Variants in PALS2 observed in about 807,000 individuals in gnomAD.
PALS2 encodes the protein protein PALS2.
PALS2 carries 27 observed loss-of-function variants against 61.6 expected under a neutral mutation model. That is an observed-to-expected ratio of 0.44 (90% CI 0.32 to 0.60). The LOEUF (loss-of-function observed/expected upper bound fraction) is 0.60, where lower values mean the gene tolerates loss of function less well. PALS2 is among the 20% of genes least tolerant of loss of function. The pLI is 0.05. For missense variants in PALS2, 554 were observed against 639.4 expected (o/e 0.87, Z 1.44); for synonymous variants, 236 against 218.6 (o/e 1.08, Z -0.70).
chr7:24,668,760 A>G (rs1787158651), intron 9 of PALS2, 100 bp downstream of exon 9: 3 of 1,416,190 alleles, frequency 2.1e-6, no homozygotes, highest in Admixed American at 2.2e-5. Flanking sequence ...TTATTCCCAA[A>G]TAAGTTTTCT....
At chr7:24,619,831 T>C (rs1784428507) in intron 1 of PALS2, among the ~76,000 whole-genome samples, 1 of 152,080 alleles carries the variant, frequency 6.6e-6, no homozygotes, top group Admixed American at 6.5e-5. Flanking sequence ...GTGGAACTTG[T>C]AGGTAACTTA....
chr7:24,628,242 A>G (rs1417456518), intron 2 of PALS2, among the ~76,000 whole-genome samples: 1 of 152,224 alleles, frequency 6.6e-6, no homozygotes, highest in Admixed American at 6.5e-5. Context: ...AATCCATCAC[A>G]TAAGCAGAAC....
chr7:24,632,901 A>G (rs1479847400), intron 2 of PALS2, among the ~76,000 whole-genome samples: 3 of 144,074 alleles, frequency 2.1e-5, no homozygotes, highest in African/African-American at 8.3e-5. Context: ...GTTAGACTTT[A>G]AAAAAAAAAC....
chr7:24,604,316 A>C (rs1453159036), intron 1 of PALS2, among the ~76,000 whole-genome samples: 1 of 152,122 alleles, frequency 6.6e-6, no homozygotes, highest in Non-Finnish European at 1.5e-5. Context: ...CAAACTCAAA[A>C]AGAACCAAGT....
At chr7:24,593,764 G>GT (rs1783391522) in intron 1 of PALS2, among the ~76,000 whole-genome samples, 1 of 152,186 alleles carries the variant, frequency 6.6e-6, no homozygotes, top group Non-Finnish European at 1.5e-5. Flanking sequence ...GTAAACCGAA[G>GT]TGCTGTCATC....
At chr7:24,607,296 AT>A (rs1225973362) in intron 1 of PALS2, among the ~76,000 whole-genome samples, 1 of 152,116 alleles carries the variant, frequency 6.6e-6, no homozygotes, top group Non-Finnish European at 1.5e-5. Flanking sequence ...GCAATTCATT[AT>A]TATTATTCTA....
intron 5 of PALS2, among the ~76,000 whole-genome samples, chr7:24,661,508 C>A (rs1173656681): frequency 6.6e-6 from 1 of 152,112 alleles, no homozygotes; most frequent in East Asian, 1.9e-4. Flanking sequence ...CTGTTCCACA[C>A]ATAAGAATGG....
At chr7:24,679,699 C>G (rs567815010) in intron 10 of PALS2, among the ~76,000 whole-genome samples, 3 of 148,892 alleles carry the variant, frequency 2.0e-5, no homozygotes, top group African/African-American at 7.7e-5. Context: ...CCCCTCCTAC[C>G]TGACACACAT....
intron 11 of PALS2, among the ~76,000 whole-genome samples, chr7:24,681,757 AT>A (rs2128033763): frequency 6.6e-6 from 1 of 152,254 alleles, no homozygotes; most frequent in African/African-American, 2.4e-5. Flanking sequence ...ATCTCCACAC[AT>A]TCGCCTGTGC....
At chr7:24,663,381 A>C (rs1359201771) in intron 5 of PALS2, 1 of 379,230 alleles carries the variant, frequency 2.6e-6, no homozygotes, top group African/African-American at 2.1e-5. Flanking sequence ...TTAGATATTA[A>C]AGTAGAGAAG....
intron 1 of PALS2, among the ~76,000 whole-genome samples, chr7:24,607,672 T>C (rs1375601987): frequency 6.6e-6 from 1 of 151,618 alleles, no homozygotes; most frequent in East Asian, 1.9e-4. Context: ...TACACACACA[T>C]ATACATATGT....
chr7:24,627,071 C>T (rs1322188203), intron 2 of PALS2, among the ~76,000 whole-genome samples: 1 of 152,078 alleles, frequency 6.6e-6, no homozygotes, highest in Non-Finnish European at 1.5e-5. Context: ...ATATACATTC[C>T]TCTCAGCGCC....
At chr7:24,670,115 T>C (rs754641153) in intron 9 of PALS2, among the ~76,000 whole-genome samples, 7 of 152,194 alleles carry the variant, frequency 4.6e-5, no homozygotes, top group Non-Finnish European at 1.0e-4. Context: ...TTATGCAGTT[T>C]AGGCCTTATC....
intron 1 of PALS2, among the ~76,000 whole-genome samples, chr7:24,599,942 A>G (rs1259360384): frequency 6.6e-6 from 1 of 152,106 alleles, no homozygotes; most frequent in Non-Finnish European, 1.5e-5. Context: ...ATCATGTCCC[A>G]CTGGAAAGTC....
intron 1 of PALS2, among the ~76,000 whole-genome samples, chr7:24,591,566 T>C (rs1246945145): frequency 2.6e-5 from 4 of 152,186 alleles, no homozygotes; most frequent in Non-Finnish European, 5.9e-5. Context: ...GTGAACCCAC[T>C]AATTTTGTGT....
At chr7:24,585,697 AT>A (rs913431252) in intron 1 of PALS2, among the ~76,000 whole-genome samples, 3 of 151,744 alleles carry the variant, frequency 2.0e-5, no homozygotes, top group Non-Finnish European at 4.4e-5. Flanking sequence ...CTGCACATTT[AT>A]TTATTTATTT....
At chr7:24,576,553 C>CA (rs1782649029) in intron 1 of PALS2, among the ~76,000 whole-genome samples, 2 of 152,312 alleles carry the variant, frequency 1.3e-5, no homozygotes, top group South Asian at 4.2e-4. Context: ...GTGTTATTAA[C>CA]AGTCTACTGT....
intron 1 of PALS2, among the ~76,000 whole-genome samples, chr7:24,622,133 ACT>A (rs998692163): frequency 2.0e-5 from 3 of 151,446 alleles, no homozygotes; most frequent in Admixed American, 2.0e-4. Context: ...CTTTTTGAAG[ACT>A]CTTTTGGCTA....
At chr7:24,663,966 T>C (rs1484981793) in intron 6 of PALS2, among the ~76,000 whole-genome samples, 6 of 152,146 alleles carry the variant, frequency 3.9e-5, no homozygotes, top group Non-Finnish European at 8.8e-5. Flanking sequence ...ATTAGACCAA[T>C]TGGTTTTTTT....
Sources: allele counts gnomAD v4.1 joint callset (sites outside exome capture counted in the v4.1 genomes callset), GRCh38; gene constraint gnomAD v4.1.1; transcripts MANE v1.5; gene names NCBI Gene and HGNC (gene_info 2026-07-23, HGNC 2026-07-21).